The following COP1 variants were observed in gnomAD, a reference collection of about 807,000 sequenced individuals.
The protein encoded by COP1 is E3 ubiquitin-protein ligase COP1.
COP1 carries 24 observed loss-of-function variants against 101.3 expected under a neutral mutation model. The observed-to-expected ratio is 0.24, with a 90% CI of 0.17 to 0.33. The LOEUF (loss-of-function observed/expected upper bound fraction) is 0.33, where lower values mean the gene tolerates loss of function less well. Among genes scored for constraint, COP1 ranks in the 10% least tolerant of loss-of-function variants. COP1 has a pLI of 1.00. For missense variants in COP1, 663 were observed against 906.2 expected, an observed-to-expected ratio of 0.73 and a Z score of 3.45; for synonymous variants, 347 against 341.9, an observed-to-expected ratio of 1.01 and a Z score of -0.17.
At chr1:176,101,819 ACCC>A (rs1221971260) in intron 9 of COP1, among the ~76,000 whole-genome samples, 1 of 152,104 alleles carries the variant, frequency 6.6e-6, no homozygotes, top group Non-Finnish European at 1.5e-5. Context: ...TTTTGATGGG[ACCC>A]TTAGACAGGC....
In COP1 at chr1:176,179,669, C is replaced by G. The variant is rs148562770; in HGVS notation, c.468-3662G>C. Among the ~76,000 whole-genome samples the G allele has an allele frequency of 2.7e-3, 400 of 150,670 alleles. 3 individuals are homozygous for G. Among genetic ancestry groups the G allele is most frequent in the African/African-American group, 9.3e-3 (382 of 41,070 alleles). ...GGAGGATTGCTTGAGCCCAGGAGAT[C>G]GAGGGTGCAGTGAGCCATGTTTGCA... On this transcript the variant is annotated intron_variant, in intron 2 of 19. Coordinates refer to ENST00000367669, the MANE Select transcript of COP1 (RefSeq NM_022457.7).
chr1:176,136,237 AT>A (rs889590672), intron 7 of COP1, among the ~76,000 whole-genome samples: 1 of 151,900 alleles, frequency 6.6e-6, no homozygotes, highest in Admixed American at 6.6e-5. Context: ...AAACTGAGCG[AT>A]TTTTTTTGTC....
intron 1 of COP1, among the ~76,000 whole-genome samples, chr1:176,205,379 A>T (rs747680708): frequency 1.3e-4 from 20 of 152,226 alleles, no homozygotes; most frequent in Non-Finnish European, 2.6e-4. Flanking sequence ...GAATAAAGAC[A>T]TCATTTTTCT....
intron 3 of COP1, among the ~76,000 whole-genome samples, chr1:176,171,967 C>T (rs910837837): frequency 2.0e-5 from 3 of 151,970 alleles, no homozygotes; most frequent in African/African-American, 4.8e-5. Flanking sequence ...TAGATTCCAC[C>T]GGTTACATTT....
At chr1:176,103,137 T>C (rs1299927295) in intron 9 of COP1, among the ~76,000 whole-genome samples, 3 of 152,230 alleles carry the variant, frequency 2.0e-5, no homozygotes, top group African/African-American at 7.2e-5. Flanking sequence ...CATTAGGGTG[T>C]TACAGTTCCT....
intron 18 of COP1, among the ~76,000 whole-genome samples, chr1:175,985,005 C>T (rs914514001): frequency 2.5e-4 from 38 of 152,110 alleles, no homozygotes; most frequent in African/African-American, 9.2e-4. Context: ...AAACGTTGGA[C>T]TTTGGACTTC....
At position 176,173,252 on chromosome 1, in the gene COP1, A is replaced by G. The variant is rs1240465198; in HGVS notation, c.565+2658T>C. Among the ~76,000 whole-genome samples, 11 of 143,840 alleles carry G rather than the reference A, an allele frequency of 7.6e-5. No homozygotes were observed. In the East Asian group the frequency reaches 2.5e-3, roughly 32 times the overall value. The allele number at this position is 143,840 out of a possible 152,430, so 94.4% of individuals were successfully genotyped here. On this transcript the variant is annotated intron_variant, in intron 3 of 19. Transcript: ENST00000367669. ...TGTGAGCCCAGGAGGTGGAGGTTGCAGTGAGTCAAGATCATGCCATTGCAC... is the reference window on the plus strand; with the variant it reads ...TGTGAGCCCAGGAGGTGGAGGTTGCGGTGAGTCAAGATCATGCCATTGCAC...
At chr1:176,028,369 A>G (rs1223629567) in intron 14 of COP1, among the ~76,000 whole-genome samples, 1 of 151,910 alleles carries the variant, frequency 6.6e-6, no homozygotes, top group Non-Finnish European at 1.5e-5. Context: ...TTAAGAGACT[A>G]GCGTGGGCAA....
intron 18 of COP1, among the ~76,000 whole-genome samples, chr1:175,948,664 T>C (rs949356438): frequency 6.6e-6 from 1 of 152,216 alleles, no homozygotes. Flanking sequence ...TTCAGAAATG[T>C]GCATCTTGTT....
At chr1:175,988,080 A>C (rs980191916) in intron 17 of COP1, among the ~76,000 whole-genome samples, 2 of 152,222 alleles carry the variant, frequency 1.3e-5, no homozygotes, top group Non-Finnish European at 2.9e-5. Flanking sequence ...TGAGGTGTTC[A>C]GGGTTTCTAC....
At chr1:176,009,739 T>G (rs975343637) in intron 15 of COP1, among the ~76,000 whole-genome samples, 2 of 152,158 alleles carry the variant, frequency 1.3e-5, no homozygotes, top group Non-Finnish European at 2.9e-5. Flanking sequence ...ATTTTATATA[T>G]TGCATTTATT....
chr1:176,022,773 T>C (rs1361480861), intron 15 of COP1, among the ~76,000 whole-genome samples: 1 of 152,190 alleles, frequency 6.6e-6, no homozygotes, highest in Non-Finnish European at 1.5e-5. Flanking sequence ...AACCTCAATG[T>C]GCCCTCAGCA....
At chr1:176,173,286 G>A (rs1696369288) in intron 3 of COP1, among the ~76,000 whole-genome samples, 1 of 144,230 alleles carries the variant, frequency 6.9e-6, no homozygotes, top group Non-Finnish European at 1.5e-5. Flanking sequence ...ACTCCAGCCT[G>A]GGTGACAGTG....
At chr1:176,011,193 C>G (rs1664594395) in intron 15 of COP1, among the ~76,000 whole-genome samples, 1 of 152,126 alleles carries the variant, frequency 6.6e-6, no homozygotes, top group African/African-American at 2.4e-5. Context: ...CTGTCCAGTA[C>G]AGTAGTCACT....
intron 1 of COP1, among the ~76,000 whole-genome samples, chr1:176,190,839 G>A (rs188664606): frequency 2.6e-5 from 4 of 151,896 alleles, no homozygotes; most frequent in Admixed American, 1.3e-4. Flanking sequence ...ACTCCATTAT[G>A]CTTTCATAAA....
At chr1:176,105,464 A>ATTGGT (rs1417897527) in intron 9 of COP1, among the ~76,000 whole-genome samples, 2 of 152,186 alleles carry the variant, frequency 1.3e-5, no homozygotes, top group African/African-American at 4.8e-5. Context: ...CTCTAGTTAC[A>ATTGGT]TTGGTTTTCT....
At chr1:176,028,535 A>G (rs984241677) in intron 14 of COP1, among the ~76,000 whole-genome samples, 2 of 151,154 alleles carry the variant, frequency 1.3e-5, no homozygotes, top group Non-Finnish European at 2.9e-5. Context: ...ACCAAAAAAA[A>G]AAAATGAAAT....
chr1:176,050,380 T>C (rs2149231304), intron 11 of COP1, among the ~76,000 whole-genome samples: 1 of 152,338 alleles, frequency 6.6e-6, no homozygotes, highest in African/African-American at 2.4e-5. Flanking sequence ...GCAGTGAATT[T>C]TGTCAGTGTT....
At chr1:175,980,969 TA>T (rs1430091941) in intron 18 of COP1, among the ~76,000 whole-genome samples, 12 of 152,122 alleles carry the variant, frequency 7.9e-5, no homozygotes, top group Admixed American at 7.9e-4. Context: ...TTTGTATACT[TA>T]AAACACTTCA....
Sources: gnomAD v4.1 joint callset for allele counts (sites outside exome capture counted in the v4.1 genomes callset) on GRCh38, gnomAD v4.1.1 for gene constraint, MANE v1.5 for transcripts, NCBI Gene and HGNC (gene_info 2026-07-23, HGNC 2026-07-21) for gene names.